The following COL11A1 variants were observed in gnomAD, a reference collection of about 807,000 sequenced individuals.
The protein encoded by COL11A1 is collagen alpha-1(XI) chain.
Under a neutral mutation model 265.2 loss-of-function variants are expected in COL11A1, and 74 were observed. The observed-to-expected ratio is 0.28, with a 90% confidence interval of 0.23 to 0.34. The LOEUF (loss-of-function observed/expected upper bound fraction) is 0.34. Ranked by LOEUF, COL11A1 falls within the 10% of genes least tolerant of loss-of-function variation. COL11A1 has a pLI of 1.00. For synonymous variants in COL11A1, 816 were observed against 727.6 expected, an observed-to-expected ratio of 1.12 and a Z score of -1.96; for missense variants, 2,165 against 2,263.6, an observed-to-expected ratio of 0.96 and a Z score of 0.88.
chr1:102,997,230 A>G, intron 25 of COL11A1, 106 bp from the exon 26 acceptor site: 2 of 1,084,812 alleles, frequency 1.8e-6, no homozygotes, highest in Non-Finnish European at 2.8e-6. Flanking sequence ...CTTACTCTTT[A>G]AGTTTCAAAA....
intron 43 of COL11A1, among the ~76,000 whole-genome samples, 193 bp from the exon 44 acceptor site, chr1:102,939,281 C>A (rs564916301): frequency 2.6e-5 from 4 of 152,120 alleles, no homozygotes; most frequent in Non-Finnish European, 4.4e-5. Context: ...ACAGACAAGT[C>A]CGTTTAACTT....
chr1:102,931,408 T>G (rs1657420918), intron 46 of COL11A1, among the ~76,000 whole-genome samples: 1 of 150,136 alleles, frequency 6.7e-6, no homozygotes. Context: ...CGGTTTTGAG[T>G]GAGATTCTTA....
At position 103,026,408 on chromosome 1, in the gene COL11A1, AC is replaced by A; in HGVS notation, c.781-77del. 5 of 917,654 alleles carry A rather than the reference AC, an allele frequency of 5.4e-6. No individual in the cohort carries two copies. The South Asian group carries it at 6.5e-5, about 12-fold the overall frequency. The allele number at this position is 917,654 out of a possible 1,614,324, so 56.8% of individuals were successfully genotyped here. On this transcript the variant is annotated intron_variant, in intron 5 of 66. Transcript: ENST00000370096. ...TATTCACAAAGTGAGAACCATCTTA[AC>A]TTTTACATAGTGTAAATGTTAAGAG... is the stretch of plus-strand genomic sequence containing the variant.
chr1:102,962,450 A>C (rs1661009377), intron 39 of COL11A1, among the ~76,000 whole-genome samples, 185 bp from the exon 40 acceptor site: 1 of 152,250 alleles, frequency 6.6e-6, no homozygotes, highest in Non-Finnish European at 1.5e-5. Context: ...CGTTACATAT[A>C]TATTAAAGAT....
intron 41 of COL11A1, among the ~76,000 whole-genome samples, chr1:102,958,450 A>G (rs1570864896): frequency 6.6e-6 from 1 of 152,210 alleles, no homozygotes; most frequent in Middle Eastern, 3.4e-3. Flanking sequence ...TTTTTGTTTT[A>G]TCTGTCATTT....
intron 54 of COL11A1, among the ~76,000 whole-genome samples, chr1:102,904,194 T>C (rs1653594035): frequency 6.6e-6 from 1 of 152,066 alleles, no homozygotes. Context: ...TTTCTACATA[T>C]GGCTAGCCAG....
At chr1:102,974,756 TA>T in intron 36 of COL11A1, 73 bp downstream of exon 36, 1 of 1,112,952 alleles carries the variant, frequency 9.0e-7, no homozygotes, top group Non-Finnish European at 1.4e-6. Flanking sequence ...AACAAATATA[TA>T]AATGTAAGCT....
At chr1:103,035,130 T>G (rs1042585464) in intron 4 of COL11A1, among the ~76,000 whole-genome samples, 2 of 152,074 alleles carry the variant, frequency 1.3e-5, no homozygotes, top group Non-Finnish European at 2.9e-5. Context: ...GCTAGGTAGA[T>G]CCTCAAAGTC....
intron 41 of COL11A1, among the ~76,000 whole-genome samples, chr1:102,952,115 T>C (rs2101476270): frequency 6.7e-6 from 1 of 149,878 alleles, no homozygotes; most frequent in East Asian, 1.9e-4. Context: ...ACTATTTTTT[T>C]TTGAGATGGA....
chr1:102,978,551 A>C (rs1028864676), intron 35 of COL11A1, among the ~76,000 whole-genome samples, 157 bp downstream of exon 35: 1 of 152,212 alleles, frequency 6.6e-6, no homozygotes, highest in Non-Finnish European at 1.5e-5. Flanking sequence ...TTATTGGTGA[A>C]GAGGAATAAA....
At chr1:102,964,160 T>G (rs1661182778) in intron 38 of COL11A1, among the ~76,000 whole-genome samples, 1 of 152,230 alleles carries the variant, frequency 6.6e-6, no homozygotes. Flanking sequence ...AATTGTATTT[T>G]TGAAAGATGT....
Position 103,006,526 on chromosome 1 carries a change from A to ATTTTTTTTTTTTTTT in COL11A1, c.1684-226_1684-212dup, listed in dbSNP as rs4013849. 1.7e-4 allele frequency among the ~76,000 whole-genome samples: 14 copies of ATTTTTTTTTTTTTTT among 82,886 alleles called. 1 individual carries two copies. Among genetic ancestry groups the ATTTTTTTTTTTTTTT allele is most frequent in the African/African-American group, 1.9e-4 (4 of 20,672 alleles). 54.4% of individuals were successfully genotyped at this position (82,886 alleles called of 152,430 possible). A position where few individuals can be genotyped will look rare whatever the true frequency, so the allele number is the denominator to read the frequency against. On this transcript the variant is annotated intron_variant, in intron 15 of 66. Coordinates refer to ENST00000370096, the MANE Select transcript of COL11A1 (RefSeq NM_001854.4). Reference sequence around the variant, plus strand: ...ATACCTATTTTTTCTAAATGGCTCCATTTTTTTTTTTTTTTTTTTTTTTTT... The same window carrying ATTTTTTTTTTTTTTT: ...ATACCTATTTTTTCTAAATGGCTCCATTTTTTTTTTTTTTTTTTTTTTTTTTTTTTTTTTTTTTTT...
At chr1:102,932,435 C>A (rs939763978) in intron 46 of COL11A1, among the ~76,000 whole-genome samples, 1 of 152,164 alleles carries the variant, frequency 6.6e-6, no homozygotes, top group Non-Finnish European at 1.5e-5. Context: ...TCTCTTCTGG[C>A]TTGTAGGGCT....
At chr1:102,945,197 G>A (rs1319670879) in intron 42 of COL11A1, among the ~76,000 whole-genome samples, 1 of 150,894 alleles carries the variant, frequency 6.6e-6, no homozygotes, top group African/African-American at 2.4e-5. Context: ...AATTAATGCC[G>A]TTATTGCATT....
At chr1:102,883,768 A>G (rs1042984718) in intron 63 of COL11A1, among the ~76,000 whole-genome samples, 3 of 151,990 alleles carry the variant, frequency 2.0e-5, no homozygotes. Flanking sequence ...GTGATATCGT[A>G]TCTACTTAGC....
intron 30 of COL11A1, among the ~76,000 whole-genome samples, chr1:102,986,008 C>T (rs558150522): frequency 8.3e-4 from 127 of 152,210 alleles, no homozygotes; most frequent in African/African-American, 2.9e-3. Flanking sequence ...TTCATAAGGA[C>T]ATGAGGAATT....
chr1:103,023,105 T>C (rs983085665), intron 7 of COL11A1, 109 bp from the exon 8 acceptor site: 16 of 1,178,768 alleles, frequency 1.4e-5, no homozygotes, highest in Admixed American at 1.8e-5. Context: ...GCGATTTTGT[T>C]ACTACTCAAG....
intron 42 of COL11A1, among the ~76,000 whole-genome samples, chr1:102,943,157 C>T (rs1360133123): frequency 3.3e-5 from 5 of 151,888 alleles, no homozygotes; most frequent in African/African-American, 1.2e-4. Context: ...AATGAGGCAA[C>T]GCATTCAATC....
intron 36 of COL11A1, among the ~76,000 whole-genome samples, chr1:102,974,198 A>C (rs1416282581): frequency 6.6e-6 from 1 of 152,216 alleles, no homozygotes; most frequent in Non-Finnish European, 1.5e-5. Flanking sequence ...AAACAAAAAC[A>C]AAAAAGACCC....
Sources: gnomAD v4.1 joint callset for allele counts (sites outside exome capture counted in the v4.1 genomes callset) on GRCh38, gnomAD v4.1.1 for gene constraint, MANE v1.5 for transcripts, NCBI Gene and HGNC (gene_info 2026-07-23, HGNC 2026-07-21) for gene names.